Variants in MTUS2 observed in about 807,000 individuals in gnomAD.
MTUS2 encodes the protein microtubule associated scaffold protein 2.
In MTUS2, 40 loss-of-function variants were observed where a neutral mutation model predicts 114.1. The observed-to-expected ratio is 0.35, with a 90% CI of 0.27 to 0.46. MTUS2 has a LOEUF of 0.46. Among genes scored for constraint, MTUS2 ranks in the 20% least tolerant of loss-of-function variants. MTUS2 has a pLI of 1.00. For missense variants in MTUS2, 1,679 were observed against 1,705.4 expected (o/e 0.98, Z 0.27); for synonymous variants, 688 against 672.0 (o/e 1.02, Z -0.37).
At chr13:29,339,762 G>A (rs1470113260) in intron 7 of MTUS2, 5 of 166,740 alleles carry the variant, frequency 3.0e-5, no homozygotes, top group Non-Finnish European at 5.2e-5. Context: ...GTGAGGAGGG[G>A]CCGGGTGCGG....
chr13:29,031,476 T>C (rs1886827559), intron 3 of MTUS2, among the ~76,000 whole-genome samples: 1 of 151,972 alleles, frequency 6.6e-6, no homozygotes, highest in South Asian at 2.1e-4. Context: ...TTGTAGAGGC[T>C]GGCAAGTCAA....
intron 5 of MTUS2, among the ~76,000 whole-genome samples, chr13:29,247,279 G>T (rs1013319217): frequency 3.3e-5 from 5 of 152,136 alleles, no homozygotes; most frequent in African/African-American, 1.2e-4. Flanking sequence ...ATGGATCAAA[G>T]ACTTAAATCT....
chr13:29,092,985 A>G (rs7324366), intron 4 of MTUS2, among the ~76,000 whole-genome samples: 2 of 151,842 alleles, frequency 1.3e-5, no homozygotes, highest in African/African-American at 2.4e-5. Context: ...GGAGTTTGTG[A>G]GGTTTTGATC....
At position 29,291,476 on chromosome 13, in the gene MTUS2, T is replaced by C. The variant is rs1374719175; in HGVS notation, c.2806+9611T>C. ...TACTAGGGTGTTTTAAACAAACATTTGTTTACACAGCAGAGAACCCCATGC... is the reference window on the plus strand; with the variant it reads ...TACTAGGGTGTTTTAAACAAACATTCGTTTACACAGCAGAGAACCCCATGC... On this transcript the variant is annotated intron_variant, in intron 6 of 15. Coordinates refer to ENST00000612955, the MANE Select transcript of MTUS2 (RefSeq NM_001033602.4). Among the ~76,000 whole-genome samples, 3 of 152,364 alleles carry C rather than the reference T, an allele frequency of 2.0e-5. No individual in the cohort carries two copies. The East Asian group carries it at 5.8e-4, about 29-fold the overall frequency.
At chr13:29,423,793 A>T (rs922157338) in intron 8 of MTUS2, among the ~76,000 whole-genome samples, 1 of 152,198 alleles carries the variant, frequency 6.6e-6, no homozygotes, top group African/African-American at 2.4e-5. Flanking sequence ...CCCTAGTTGT[A>T]CAAACATATA....
At chr13:29,455,198 T>C (rs1484025028) in intron 9 of MTUS2, among the ~76,000 whole-genome samples, 4 of 151,912 alleles carry the variant, frequency 2.6e-5, no homozygotes, top group African/African-American at 9.7e-5. Context: ...TGGACAGGAG[T>C]AAGCTGAGCA....
intron 2 of MTUS2, among the ~76,000 whole-genome samples, chr13:29,017,441 C>G (rs1886112862): frequency 6.6e-6 from 1 of 152,182 alleles, no homozygotes; most frequent in South Asian, 2.1e-4. Flanking sequence ...CACAGCAGAC[C>G]TGGCAGCTAA....
At chr13:28,835,577 C>T (rs977791210) in intron 1 of MTUS2, among the ~76,000 whole-genome samples, 36 of 152,088 alleles carry the variant, frequency 2.4e-4, no homozygotes, top group Non-Finnish European at 8.8e-5. Flanking sequence ...TTGATAGTGG[C>T]GATGCTTGCA....
At chr13:29,140,425 T>C (rs1566028739) in intron 5 of MTUS2, among the ~76,000 whole-genome samples, 2 of 152,204 alleles carry the variant, frequency 1.3e-5, no homozygotes, top group Non-Finnish European at 2.9e-5. Flanking sequence ...GAGGTTGGCT[T>C]CTCTGCAGTC....
At chr13:28,862,592 G>A (rs59919354) in intron 2 of MTUS2, among the ~76,000 whole-genome samples, 9,922 of 152,202 alleles carry the variant, frequency 0.065, 1,062 homozygotes, top group African/African-American at 0.22. Context: ...CGGCCTGGGC[G>A]CGGCAGAGCA....
At chr13:28,846,946 A>G (rs141312845) in intron 2 of MTUS2, among the ~76,000 whole-genome samples, 42 of 152,282 alleles carry the variant, frequency 2.8e-4, no homozygotes, top group Non-Finnish European at 5.0e-4. Flanking sequence ...TTCATTCCCA[A>G]TATTATTTGG....
chr13:28,908,980 G>A (rs1157655457), intron 2 of MTUS2, among the ~76,000 whole-genome samples: 3 of 151,520 alleles, frequency 2.0e-5, no homozygotes, highest in Non-Finnish European at 4.4e-5. Context: ...TGTCAGGTTT[G>A]TCAAAGATCA....
intron 8 of MTUS2, among the ~76,000 whole-genome samples, chr13:29,375,894 T>C (rs1871684968): frequency 6.6e-6 from 1 of 151,682 alleles, no homozygotes; most frequent in African/African-American, 2.4e-5. Flanking sequence ...GGGTACAATG[T>C]ACACTACTCA....
chr13:29,240,605 A>C (rs1331854001), intron 5 of MTUS2, among the ~76,000 whole-genome samples: 1 of 152,200 alleles, frequency 6.6e-6, no homozygotes. Flanking sequence ...AAAATAAAGT[A>C]TTATTTTTTC....
At chr13:29,428,897 G>C (rs1876779571) in intron 8 of MTUS2, 1 of 1,613,728 alleles carries the variant, frequency 6.2e-7, no homozygotes, top group Non-Finnish European at 8.5e-7. Flanking sequence ...GGACAAGACG[G>C]TACTTTGCCT....
chr13:29,490,481 C>T (rs1256370521), intron 11 of MTUS2, among the ~76,000 whole-genome samples: 1 of 152,268 alleles, frequency 6.6e-6, no homozygotes, highest in East Asian at 1.9e-4. Context: ...TAATAAGACT[C>T]TTCCCATCAG....
intron 4 of MTUS2, among the ~76,000 whole-genome samples, chr13:29,094,972 C>T (rs1890116760): frequency 6.6e-6 from 1 of 151,892 alleles, no homozygotes; most frequent in Non-Finnish European, 1.5e-5. Flanking sequence ...TGAGAATTAC[C>T]CAAATTTCCT....
rs148436506 is a variant in MTUS2, at chr13:29,158,730, T to A, written c.2644+57760T>A. ...TGGATGCCTCTGAGATCTGTCCCAG[T>A]GTCTTCACCCTAACCTGCTTCATTT... is the stretch of plus-strand genomic sequence containing the variant. On this transcript the variant is annotated intron_variant, in intron 5 of 15. Transcript: ENST00000612955. 3.0e-4 allele frequency among the ~76,000 whole-genome samples: 45 copies of A among 152,262 alleles called. No individual in the cohort carries two copies. The East Asian group carries it at 8.1e-3, about 27-fold the overall frequency.
At chr13:29,193,382 A>G (rs949514138) in intron 5 of MTUS2, among the ~76,000 whole-genome samples, 1 of 152,170 alleles carries the variant, frequency 6.6e-6, no homozygotes, top group East Asian at 1.9e-4. Context: ...TGTAGCTCTT[A>G]AGCAACTTCA....
Sources: allele counts gnomAD v4.1 joint callset (sites outside exome capture counted in the v4.1 genomes callset), GRCh38; gene constraint gnomAD v4.1.1; transcripts MANE v1.5; gene names NCBI Gene and HGNC (gene_info 2026-07-23, HGNC 2026-07-21).